LZTFL1: variants seen among roughly 807,000 people sequenced by gnomAD.
LZTFL1 encodes leucine zipper transcription factor like 1.
Under a neutral mutation model 45.9 loss-of-function variants are expected in LZTFL1, and 25 were observed. The observed-to-expected ratio is 0.54, with a 90% CI of 0.40 to 0.76. The LOEUF (loss-of-function observed/expected upper bound fraction) is 0.76. LZTFL1 is among the 30% of genes least tolerant of loss of function. The pLI, the probability that LZTFL1 is intolerant of heterozygous loss-of-function variation, is 0.00. For synonymous variants in LZTFL1, 93 were observed against 117.4 expected, an observed-to-expected ratio of 0.79 and a Z score of 1.35; for missense variants, 277 against 331.1, an observed-to-expected ratio of 0.84 and a Z score of 1.27.
chr3:45,849,240 C>CT, intron 4 of LZTFL1, among the ~76,000 whole-genome samples: 1 of 152,220 alleles, frequency 6.6e-6, no homozygotes. Flanking sequence ...AGGAAAATCC[C>CT]TGAATTGAAC....
chr3:45,878,195 A>G lies in LZTFL1; in HGVS notation c.-214-19179T>C, dbSNP rs539318132. Among the ~76,000 whole-genome samples the G allele has an allele frequency of 1.2e-4, 19 of 152,312 alleles. No individual in the cohort carries two copies. The East Asian group carries it at 2.7e-3, about 22-fold the overall frequency. On this transcript the variant is annotated intron_variant, in intron 2 of 4. Coordinates refer to the LZTFL1 transcript ENST00000472635. ...TTGTGGTGAGAATGTTTAAAAATCT[A>G]TTCTTTCAGCAATTTTGGAATATGC...
At position 45,901,648 on chromosome 3, in the gene LZTFL1, C is replaced by T. The variant is rs1702562546; in HGVS notation, c.-215+11472G>A. The T allele has an allele frequency of 6.2e-7, 1 of 1,614,002 alleles. No homozygotes were observed. The highest frequency in any genetic ancestry group is 1.7e-5 in the Admixed American group (1 of 60,012). ...ATTGACGCCTATGCCATGTTCATCTCCAACTGTGCCGTTTCCACCAACATT... is the reference window on the plus strand; with the variant it reads ...ATTGACGCCTATGCCATGTTCATCTTCAACTGTGCCGTTTCCACCAACATT... On this transcript the variant is annotated intron_variant, in intron 2 of 4. Transcript: ENST00000472635. This position sits in a 1 kb window ranked among gnomAD's most constrained non-coding sequence, Gnocchi z 4.3.
intron 2 of LZTFL1, among the ~76,000 whole-genome samples, chr3:45,904,006 G>A (rs976763332): frequency 1.3e-5 from 2 of 152,150 alleles, no homozygotes; most frequent in South Asian, 4.1e-4. Context: ...TAGATACTGC[G>A]GTTCTGATGC....
At chr3:45,852,191 G>A (rs1701320073) in intron 4 of LZTFL1, among the ~76,000 whole-genome samples, 1 of 152,202 alleles carries the variant, frequency 6.6e-6, no homozygotes, top group Admixed American at 6.5e-5. Flanking sequence ...TCTGGGGCAT[G>A]AGGAAAAAGG....
chr3:45,899,495 AT>A (rs1055582103), intron 2 of LZTFL1, among the ~76,000 whole-genome samples: 1 of 152,236 alleles, frequency 6.6e-6, no homozygotes, highest in Non-Finnish European at 1.5e-5. Flanking sequence ...ATAAAAACTT[AT>A]TGTGGATTTG....
chr3:45,839,290 G>A (rs1041237163), intron 1 of LZTFL1, among the ~76,000 whole-genome samples: 7 of 152,026 alleles, frequency 4.6e-5, no homozygotes, highest in African/African-American at 1.5e-4. Flanking sequence ...GGGTTTCACC[G>A]TGTCAGCCAG....
chr3:45,884,968 A>G (rs1274418921), intron 2 of LZTFL1, among the ~76,000 whole-genome samples: 1 of 147,562 alleles, frequency 6.8e-6, no homozygotes, highest in Non-Finnish European at 1.5e-5. Context: ...CGCCGAGGGA[A>G]GGGAATTTCA....
intron 4 of LZTFL1, among the ~76,000 whole-genome samples, chr3:45,850,515 C>T (rs755369316): frequency 6.6e-5 from 10 of 152,196 alleles, no homozygotes; most frequent in African/African-American, 1.9e-4. Context: ...TATCCATTCT[C>T]GGATGCCCTG....
intron 2 of LZTFL1, among the ~76,000 whole-genome samples, chr3:45,908,959 C>T (rs952479495): frequency 6.6e-6 from 1 of 152,146 alleles, no homozygotes; most frequent in Non-Finnish European, 1.5e-5. Flanking sequence ...TGCTCCCCAT[C>T]GCCTGCATCA....
upstream of LZTFL1, among the ~76,000 whole-genome samples, chr3:45,845,233 G>C (rs992728266): frequency 6.6e-6 from 1 of 152,148 alleles, no homozygotes; most frequent in African/African-American, 2.4e-5. Context: ...AGACACAATG[G>C]GGAAGGGAAT....
At chr3:45,905,559 G>A (rs540171773) in intron 2 of LZTFL1, among the ~76,000 whole-genome samples, 1 of 152,362 alleles carries the variant, frequency 6.6e-6, no homozygotes, top group African/African-American at 2.4e-5. Context: ...GAAAGAACTT[G>A]TAGGGAGTAT....
intron 2 of LZTFL1, among the ~76,000 whole-genome samples, chr3:45,906,724 A>G (rs6791859): frequency 0.29 from 43,663 of 152,134 alleles, 8,859 homozygotes; most frequent in African/African-American, 0.58. Flanking sequence ...CCACACACAT[A>G]TGGCTGTGGA....
chr3:45,878,131 G>A (rs1191237629), intron 2 of LZTFL1, among the ~76,000 whole-genome samples: 1 of 152,158 alleles, frequency 6.6e-6, no homozygotes, highest in African/African-American at 2.4e-5. Flanking sequence ...ATTAAATTAA[G>A]CTAATTAGTA....
intron 7 of LZTFL1, among the ~76,000 whole-genome samples, chr3:45,828,871 T>C (rs1187771611): frequency 1.3e-5 from 2 of 152,110 alleles, no homozygotes; most frequent in Non-Finnish European, 2.9e-5. Flanking sequence ...ACATAAAATA[T>C]GATTTGTGAA....
At chr3:45,878,169 C>T (rs1047997640) in intron 2 of LZTFL1, among the ~76,000 whole-genome samples, 9 of 152,092 alleles carry the variant, frequency 5.9e-5, no homozygotes, top group African/African-American at 1.7e-4. Context: ...ACTCATTTTT[C>T]TTGTGGTGAG....
rs148112944 is a variant in LZTFL1, at chr3:45,831,426, C to T, written c.457-288G>A. 1.3e-4 allele frequency among the ~76,000 whole-genome samples: 20 copies of T among 152,112 alleles called. No homozygotes were observed. In the East Asian group the frequency reaches 3.3e-3, roughly 25 times the overall value. Reference sequence around the variant, plus strand: ...GTTTTCAAATTTTTTTCCAAAGACCCGCTTCCCTGCCAACTTTCTCCTAGC... The same window carrying T: ...GTTTTCAAATTTTTTTCCAAAGACCTGCTTCCCTGCCAACTTTCTCCTAGC... On this transcript the variant is annotated intron_variant, in intron 5 of 9. Transcript: ENST00000296135.
intron 4 of LZTFL1, among the ~76,000 whole-genome samples, chr3:45,833,430 G>C (rs1700883250): frequency 6.6e-6 from 1 of 152,176 alleles, no homozygotes; most frequent in South Asian, 2.1e-4. Flanking sequence ...CTCAAAGCCA[G>C]ATCTGATATA....
At chr3:45,846,827 G>T (rs543426317), upstream of LZTFL1, among the ~76,000 whole-genome samples, 1 of 152,026 alleles carries the variant, frequency 6.6e-6, no homozygotes, top group African/African-American at 2.4e-5. Flanking sequence ...GGCACACTCG[G>T]TGTAACTTTA....
At chr3:45,863,535 CATCAGGAATAGTGGGACA>C (rs1170868485) in intron 2 of LZTFL1, among the ~76,000 whole-genome samples, 2 of 152,176 alleles carry the variant, frequency 1.3e-5, no homozygotes, top group African/African-American at 4.8e-5. Flanking sequence ...TTGATCCTAG[CATCAGGAATAGTGGGACA>C]ACCAGTTATT....
Sources: gnomAD v4.1 joint callset for allele counts (sites outside exome capture counted in the v4.1 genomes callset) on GRCh38, gnomAD v4.1.1 for gene constraint, Gnocchi (gnomAD v3.1) non-coding constraint, MANE v1.5 for transcripts, NCBI Gene and HGNC (gene_info 2026-07-23, HGNC 2026-07-21) for gene names.